The following CACNA2D1 variants were observed in gnomAD, a reference collection of about 807,000 sequenced individuals.
CACNA2D1 encodes the protein voltage-dependent calcium channel subunit alpha-2/delta-1.
In CACNA2D1, 53 loss-of-function variants were observed where a neutral mutation model predicts 171.5. The ratio of observed to expected loss-of-function variants is 0.31; its 90% confidence interval spans 0.25 to 0.39. The LOEUF (loss-of-function observed/expected upper bound fraction) is 0.39, where lower values mean the gene tolerates loss of function less well. Ranked by LOEUF, CACNA2D1 falls within the 10% of genes least tolerant of loss-of-function variation. The pLI, the probability that CACNA2D1 is intolerant of heterozygous loss-of-function variation, is 1.00. For missense variants in CACNA2D1, 903 were observed against 1,299.8 expected, an observed-to-expected ratio of 0.69 and a Z score of 4.69; for synonymous variants, 442 against 443.1, an observed-to-expected ratio of 1.00 and a Z score of 0.03.
intron 12 of CACNA2D1, chr7:82,027,629 A>G (rs1802100767): frequency 6.6e-6 from 1 of 151,694 alleles, no homozygotes; most frequent in African/African-American, 2.4e-5. Context: ...TCATTTTATC[A>G]TGGTTCTTTG....
At chr7:82,262,320 G>T (rs1488619726) in intron 3 of CACNA2D1, among the ~76,000 whole-genome samples, 1 of 152,156 alleles carries the variant, frequency 6.6e-6, no homozygotes, top group East Asian at 1.9e-4. Context: ...AACAGAGTGA[G>T]ACTCTGTCTC....
intron 24 of CACNA2D1, among the ~76,000 whole-genome samples, chr7:81,982,000 G>A (rs1796488583): frequency 6.6e-6 from 1 of 152,068 alleles, no homozygotes; most frequent in Admixed American, 6.5e-5. Flanking sequence ...GTACATATGT[G>A]TATATACATA....
At chr7:82,333,148 G>T (rs1298499676) in intron 3 of CACNA2D1, among the ~76,000 whole-genome samples, 1 of 152,046 alleles carries the variant, frequency 6.6e-6, no homozygotes, top group African/African-American at 2.4e-5. Flanking sequence ...TAAATAGAAA[G>T]ACAAAATATA....
chr7:82,104,894 G>T (rs999783320), intron 6 of CACNA2D1, among the ~76,000 whole-genome samples: 1 of 151,926 alleles, frequency 6.6e-6, no homozygotes, highest in Non-Finnish European at 1.5e-5. Context: ...TAAAATTATA[G>T]ATGACTGCCT....
intron 3 of CACNA2D1, among the ~76,000 whole-genome samples, chr7:82,176,164 A>G (rs1796524831): frequency 6.6e-6 from 1 of 152,018 alleles, no homozygotes; most frequent in African/African-American, 2.4e-5. Flanking sequence ...AAGGGCAGAG[A>G]AGGGTATAGG....
intron 7 of CACNA2D1, among the ~76,000 whole-genome samples, chr7:82,077,522 C>A (rs1448300050): frequency 6.6e-6 from 1 of 152,104 alleles, no homozygotes; most frequent in Non-Finnish European, 1.5e-5. Context: ...TCCCTACCTG[C>A]CCCAGTCTAC....
chr7:82,003,420 T>A (rs943807716), intron 18 of CACNA2D1, among the ~76,000 whole-genome samples: 1 of 151,914 alleles, frequency 6.6e-6, no homozygotes, highest in Non-Finnish European at 1.5e-5. Flanking sequence ...TAAATTTTAG[T>A]GAATTATTTC....
chr7:82,211,753 G>A (rs1461774485), intron 3 of CACNA2D1, among the ~76,000 whole-genome samples: 3 of 152,130 alleles, frequency 2.0e-5, no homozygotes, highest in African/African-American at 7.2e-5. Flanking sequence ...TCAAATGGTA[G>A]TTTTGTTTTA....
In CACNA2D1 at chr7:82,303,386, T is replaced by C. The variant is rs117068529; in HGVS notation, c.294+31749A>G. 2.5e-4 allele frequency among the ~76,000 whole-genome samples: 38 copies of C among 150,954 alleles called. No individual in the cohort carries two copies. In the East Asian group the frequency reaches 7.2e-3, roughly 29 times the overall value. On this transcript the variant is annotated intron_variant, in intron 3 of 38. Coordinates refer to ENST00000356860, the MANE Select transcript of CACNA2D1 (RefSeq NM_000722.4). ...AAGCAAGTACAGATCCATTGCAATA[T>C]CTATCAAAATTCCAATGTTATTTTT...
chr7:82,039,582 A>G (rs1477415407), intron 10 of CACNA2D1, among the ~76,000 whole-genome samples: 1 of 152,224 alleles, frequency 6.6e-6, no homozygotes, highest in South Asian at 2.1e-4. Context: ...CTCTCAATAT[A>G]GTATAATAAA....
intron 9 of CACNA2D1, among the ~76,000 whole-genome samples, chr7:82,062,048 A>C (rs1329324402): frequency 6.6e-6 from 1 of 152,212 alleles, no homozygotes; most frequent in Non-Finnish European, 1.5e-5. Context: ...TCTACATCTT[A>C]GTAGAATTCA....
chr7:82,154,219 TTATC>T (rs1175012221), intron 4 of CACNA2D1, among the ~76,000 whole-genome samples: 1 of 152,194 alleles, frequency 6.6e-6, no homozygotes, highest in Non-Finnish European at 1.5e-5. Context: ...TATGTAATGA[TTATC>T]TATATTTGTA....
intron 6 of CACNA2D1, among the ~76,000 whole-genome samples, chr7:82,096,163 C>T (rs922925905): frequency 3.9e-5 from 6 of 152,258 alleles, no homozygotes; most frequent in South Asian, 2.1e-4. Flanking sequence ...AAGAACCAGG[C>T]GGTAAATGTT....
chr7:82,153,663 G>A (rs1794075250), intron 4 of CACNA2D1, among the ~76,000 whole-genome samples: 3 of 151,944 alleles, frequency 2.0e-5, no homozygotes, highest in African/African-American at 2.4e-5. Flanking sequence ...CTATAGCTTC[G>A]TATGACTACT....
chr7:82,136,547 T>TTA (rs1554424092), intron 5 of CACNA2D1, 88 bp downstream of exon 5: 2 of 1,006,722 alleles, frequency 2.0e-6, no homozygotes, highest in Non-Finnish European at 2.9e-6. Context: ...TCTTAAAAAC[T>TTA]AAAACTGCTA....
chr7:82,360,261 A>G (rs1820946456), intron 1 of CACNA2D1, among the ~76,000 whole-genome samples: 1 of 152,156 alleles, frequency 6.6e-6, no homozygotes, highest in Admixed American at 6.6e-5. Context: ...AAAGAAAATA[A>G]CATTTGCAGA....
intron 12 of CACNA2D1, among the ~76,000 whole-genome samples, chr7:82,015,453 G>C: frequency 6.6e-6 from 1 of 152,170 alleles, no homozygotes; most frequent in Middle Eastern, 3.4e-3. Flanking sequence ...AAAATCAATA[G>C]AGAGTTTTTA....
intron 25 of CACNA2D1, among the ~76,000 whole-genome samples, chr7:81,973,904 T>C (rs1342126256): frequency 2.6e-5 from 4 of 152,010 alleles, no homozygotes; most frequent in South Asian, 2.1e-4. Flanking sequence ...TAATTTTCTG[T>C]TGTCTATTTT....
At chr7:82,151,325 A>T (rs1159143072) in intron 4 of CACNA2D1, among the ~76,000 whole-genome samples, 1 of 152,110 alleles carries the variant, frequency 6.6e-6, no homozygotes, top group Non-Finnish European at 1.5e-5. Context: ...GTAAATGAAG[A>T]TCTGTATACT....
Sources: allele counts gnomAD v4.1 joint callset (sites outside exome capture counted in the v4.1 genomes callset), GRCh38; gene constraint gnomAD v4.1.1; transcripts MANE v1.5; gene names NCBI Gene and HGNC (gene_info 2026-07-23, HGNC 2026-07-21).